The following SUGCT variants were observed in gnomAD, a reference collection of about 807,000 sequenced individuals.
SUGCT encodes succinyl-CoA:glutarate-CoA transferase.
A neutral mutation model predicts 55.0 loss-of-function variants in SUGCT; 41 were observed. The observed-to-expected ratio is 0.74, with a 90% CI of 0.58 to 0.97. The LOEUF (loss-of-function observed/expected upper bound fraction) is 0.97, where lower values mean the gene tolerates loss of function less well. SUGCT is among the 50% of genes least tolerant of loss of function. SUGCT has a pLI of 0.00. For missense variants in SUGCT, 568 were observed against 547.8 expected, an observed-to-expected ratio of 1.04 and a Z score of -0.37; for synonymous variants, 187 against 200.4, an observed-to-expected ratio of 0.93 and a Z score of 0.56.
the SUGCT span, among the ~76,000 whole-genome samples, chr7:40,985,354 C>A: frequency 1.3e-5 from 2 of 152,140 alleles, no homozygotes; most frequent in Non-Finnish European, 2.9e-5. Flanking sequence ...AAGACAAGTC[C>A]TCAGCGCAGT....
chr7:40,557,912 A>G (rs1020484485), intron 12 of SUGCT, among the ~76,000 whole-genome samples: 3 of 152,168 alleles, frequency 2.0e-5, no homozygotes, highest in Admixed American at 2.0e-4. Context: ...TTGGTCAACA[A>G]CAAACAAATA....
chr7:40,449,427 G>A, intron 10 of SUGCT, 69 bp downstream of exon 10: 1 of 1,219,994 alleles, frequency 8.2e-7, no homozygotes, highest in South Asian at 1.3e-5. Context: ...TTTTGCCCAG[G>A]TCACAACCAA....
chr7:40,249,341 A>ATATG (rs1554296384), intron 7 of SUGCT, among the ~76,000 whole-genome samples: 1 of 131,620 alleles, frequency 7.6e-6, no homozygotes, highest in Admixed American at 8.1e-5. Context: ...ATATATATAT[A>ATATG]TATATAATTA....
At chr7:40,939,793 T>A in the SUGCT span, among the ~76,000 whole-genome samples, 5 of 152,196 alleles carry the variant, frequency 3.3e-5, no homozygotes, top group African/African-American at 1.2e-4. Context: ...CTTTTTTGGA[T>A]GCATAGTTTG....
intron 13 of SUGCT, among the ~76,000 whole-genome samples, chr7:40,811,539 G>A (rs1344731964): frequency 1.3e-5 from 2 of 152,042 alleles, no homozygotes. Context: ...TTTTGTAAAT[G>A]GGATTATTTT....
intron 9 of SUGCT, among the ~76,000 whole-genome samples, chr7:40,336,273 A>AGGGAG (rs1796699742): frequency 6.6e-6 from 1 of 152,172 alleles, no homozygotes; most frequent in Admixed American, 6.5e-5. Context: ...AAAATGAGTT[A>AGGGAG]GGGAGGACTC....
the SUGCT span, among the ~76,000 whole-genome samples, chr7:41,001,941 G>A: frequency 6.6e-6 from 1 of 152,222 alleles, no homozygotes; most frequent in African/African-American, 2.4e-5. Flanking sequence ...GCCAAGGCAG[G>A]AGCCAAGTCT....
At chr7:40,517,466 TAA>T (rs1285002353) in intron 12 of SUGCT, among the ~76,000 whole-genome samples, 2 of 152,206 alleles carry the variant, frequency 1.3e-5, no homozygotes, top group African/African-American at 4.8e-5. Flanking sequence ...CCATTAAGAA[TAA>T]AGTTTACTGT....
At chr7:40,934,859 G>A in the SUGCT span, among the ~76,000 whole-genome samples, 258 of 152,044 alleles carry the variant, frequency 1.7e-3, 1 homozygote, top group Non-Finnish European at 3.0e-3. Flanking sequence ...AGCATCTCTT[G>A]GAAAGGGAAA....
chr7:40,881,450 T>C, the SUGCT span, among the ~76,000 whole-genome samples: 35,625 of 152,134 alleles, frequency 0.23, 4,452 homozygotes, highest in Middle Eastern at 0.3. Flanking sequence ...TTGAGCCCCC[T>C]GCCTTCTCCC....
chr7:40,205,733 C>A (rs1786937519), intron 6 of SUGCT, among the ~76,000 whole-genome samples: 1 of 151,420 alleles, frequency 6.6e-6, no homozygotes, highest in Admixed American at 6.6e-5. Flanking sequence ...AGTACCCTCT[C>A]ATGACACAGC....
intron 12 of SUGCT, among the ~76,000 whole-genome samples, chr7:40,711,697 A>G (rs934744286): frequency 6.6e-6 from 1 of 152,126 alleles, no homozygotes; most frequent in African/African-American, 2.4e-5. Context: ...GCTGCTCCCT[A>G]TGGAACCTTA....
At chr7:40,970,375 T>C in the SUGCT span, among the ~76,000 whole-genome samples, 1 of 152,200 alleles carries the variant, frequency 6.6e-6, no homozygotes, top group African/African-American at 2.4e-5. Context: ...TTTCGCCATG[T>C]TAGCCAGGCT....
At chr7:40,665,209 C>T (rs916263564) in intron 12 of SUGCT, among the ~76,000 whole-genome samples, 7 of 151,524 alleles carry the variant, frequency 4.6e-5, no homozygotes, top group Admixed American at 6.6e-5. Flanking sequence ...GAGGCTGAGG[C>T]GGGCGGATCA....
At chr7:40,406,008 G>C (rs1786349466) in intron 9 of SUGCT, among the ~76,000 whole-genome samples, 1 of 152,138 alleles carries the variant, frequency 6.6e-6, no homozygotes, top group Non-Finnish European at 1.5e-5. Context: ...AGCTAAATGG[G>C]AGACAGGAGT....
the SUGCT span, among the ~76,000 whole-genome samples, chr7:40,943,615 A>C: frequency 6.7e-6 from 1 of 149,894 alleles, no homozygotes; most frequent in African/African-American, 2.5e-5. Flanking sequence ...TGAACTCATC[A>C]TTTTTTATGG....
intron 12 of SUGCT, among the ~76,000 whole-genome samples, chr7:40,688,766 A>G (rs1465687378): frequency 2.6e-5 from 4 of 152,190 alleles, no homozygotes; most frequent in African/African-American, 7.2e-5. Context: ...TACTGAAATT[A>G]TATTCTTTTT....
At chr7:40,164,935 T>C (rs1339591504) in intron 1 of SUGCT, among the ~76,000 whole-genome samples, 4 of 152,224 alleles carry the variant, frequency 2.6e-5, no homozygotes, top group Non-Finnish European at 5.9e-5. Context: ...TTCCAGTGGA[T>C]ACTAATTTTC....
chr7:40,409,382 G>A (rs1044050461), intron 9 of SUGCT, among the ~76,000 whole-genome samples: 3 of 152,020 alleles, frequency 2.0e-5, no homozygotes, highest in African/African-American at 4.8e-5. Flanking sequence ...TCCCACCTCA[G>A]CCTCCAAGTA....
Sources: gnomAD v4.1 joint callset for allele counts (sites outside exome capture counted in the v4.1 genomes callset) on GRCh38, gnomAD v4.1.1 for gene constraint, MANE v1.5 for transcripts, NCBI Gene and HGNC (gene_info 2026-07-23, HGNC 2026-07-21) for gene names.